Variants in FRYL observed in about 807,000 individuals in gnomAD.
The protein encoded by FRYL is protein furry homolog-like.
FRYL carries 150 observed loss-of-function variants against 351.2 expected under a neutral mutation model. The ratio of observed to expected loss-of-function variants is 0.43; its 90% CI spans 0.37 to 0.49. The LOEUF (loss-of-function observed/expected upper bound fraction) is 0.49. FRYL is among the 20% of genes least tolerant of loss of function. The probability of loss-of-function intolerance (pLI) is 0.00; values close to 1 mark genes in which losing one functional copy is unlikely to be tolerated. For synonymous variants in FRYL, 1,153 were observed against 1,257.1 expected (o/e 0.92, Z 1.75); for missense variants, 3,036 against 3,619.3 (o/e 0.84, Z 4.13).
At chr4:48,552,244 G>GGT (rs67155390) in intron 36 of FRYL, among the ~76,000 whole-genome samples, 31,189 of 145,100 alleles carry the variant, frequency 0.21, 3,321 homozygotes, top group Admixed American at 0.28. Flanking sequence ...AGTCCAAAGG[G>GGT]GTGTGTGTGT....
intron 57 of FRYL, among the ~76,000 whole-genome samples, chr4:48,512,204 C>G (rs1722625641): frequency 6.6e-6 from 1 of 152,078 alleles, no homozygotes; most frequent in Admixed American, 6.6e-5. Context: ...CTTTGGTATC[C>G]TGATGGTGCC....
chr4:48,547,524 C>T (rs777081823), intron 41 of FRYL, 60 bp downstream of exon 41: 11 of 960,002 alleles, frequency 1.1e-5, no homozygotes, highest in Non-Finnish European at 1.6e-5. Flanking sequence ...TTCTCTAATG[C>T]AGGATTCCAA....
chr4:48,657,571 T>C (rs895321564), intron 3 of FRYL, among the ~76,000 whole-genome samples: 16 of 152,282 alleles, frequency 1.1e-4, no homozygotes, highest in African/African-American at 3.4e-4. Context: ...TCGATTGTAT[T>C]CTTTTTATAA....
In FRYL at chr4:48,567,764, T is replaced by C. The variant is rs1237377643; in HGVS notation, c.2997-344A>G. 1.3e-5 allele frequency among the ~76,000 whole-genome samples: 2 copies of C among 152,200 alleles called. No individual in the cohort carries two copies. Among genetic ancestry groups the C allele is most frequent in the Non-Finnish European group, 2.9e-5 (2 of 68,024 alleles). ...AATGGGGAGGATCAGTTTAGAAAAG[T>C]AGAAAGAGGAAAGACTAGTTCTATT... On this transcript the variant is annotated intron_variant, in intron 27 of 63. Transcript: ENST00000358350. The surrounding 1 kb of genome is among the most constrained non-coding windows in gnomAD (Gnocchi z 4.2).
At chr4:48,741,015 C>T (rs187294149) in intron 1 of FRYL, among the ~76,000 whole-genome samples, 2 of 150,836 alleles carry the variant, frequency 1.3e-5, no homozygotes, top group East Asian at 1.9e-4. Context: ...ATTGTTCTGT[C>T]GGTGAATAGA....
chr4:48,548,436 T>C (rs749107477), intron 40 of FRYL, among the ~76,000 whole-genome samples: 1 of 152,066 alleles, frequency 6.6e-6, no homozygotes, highest in Non-Finnish European at 1.5e-5. Flanking sequence ...GTATAGTATA[T>C]GTGTGTTTGT....
At chr4:48,702,272 A>G (rs1326801102) in intron 2 of FRYL, among the ~76,000 whole-genome samples, 2 of 150,528 alleles carry the variant, frequency 1.3e-5, no homozygotes, top group Admixed American at 6.6e-5. Context: ...CCTGGCCAAC[A>G]TGGTGAAACC....
At chr4:48,779,720 G>A (rs1245580793) in intron 1 of FRYL, among the ~76,000 whole-genome samples, 2 of 151,852 alleles carry the variant, frequency 1.3e-5, no homozygotes, top group Non-Finnish European at 2.9e-5. Flanking sequence ...AAGGCGGCGC[G>A]CGAGGGGTAC....
chr4:48,611,258 CATAA>C (rs1322312944), intron 7 of FRYL, among the ~76,000 whole-genome samples: 13 of 152,042 alleles, frequency 8.6e-5, no homozygotes, highest in African/African-American at 1.9e-4. Flanking sequence ...GTAAATGTTA[CATAA>C]ATAGTTGTTA....
chr4:48,565,929 GA>G (rs982309768), intron 28 of FRYL, among the ~76,000 whole-genome samples: 17 of 152,198 alleles, frequency 1.1e-4, no homozygotes, highest in African/African-American at 4.1e-4. Flanking sequence ...TCTGCAAGCA[GA>G]AATTCCATGG....
chr4:48,638,957 G>A (rs934652122), intron 3 of FRYL, among the ~76,000 whole-genome samples: 1 of 152,066 alleles, frequency 6.6e-6, no homozygotes, highest in Admixed American at 6.6e-5. Context: ...GGCCTGTTGT[G>A]GGGTGGGAGG....
In FRYL at chr4:48,515,018, G is replaced by A. The variant is rs1285555837; in HGVS notation, c.7937+10C>T. ...CCCTCACTACAGTGTTTATGATACTGTATTCTCACCTAGACAGTCCGGAGA... is the reference window on the plus strand; with the variant it reads ...CCCTCACTACAGTGTTTATGATACTATATTCTCACCTAGACAGTCCGGAGA... On this transcript the variant is annotated intron_variant, in intron 56 of 63. Transcript: ENST00000358350. The A allele has an allele frequency of 6.2e-7, 1 of 1,610,362 alleles. No homozygotes were observed. Among genetic ancestry groups the A allele is most frequent in the South Asian group, 1.1e-5 (1 of 90,784 alleles).
At chr4:48,603,903 AG>A (rs1435568083) in intron 11 of FRYL, among the ~76,000 whole-genome samples, 17 of 152,304 alleles carry the variant, frequency 1.1e-4, no homozygotes, top group African/African-American at 3.6e-4. Flanking sequence ...CCACAGACAC[AG>A]GAAGTCTTAC....
Position 48,535,722 on chromosome 4 carries a change from C to T in FRYL, c.6499G>A (p.Val2167Met), listed in dbSNP as rs752054203. The change falls in exon 48 of 64, where the codon GTG becomes ATG. Residue 2167 changes from valine (V) to methionine (M), a missense_variant. Val to Met is a conservative substitution (Grantham distance 21). Coordinates refer to ENST00000358350, the MANE Select transcript of FRYL (RefSeq NM_015030.2). ...AAGGAGTCATGCAGGTATCTGCACA[C>T]GACATTGATCCAGTTAGAACAGTCT... Reference protein sequence around the residue: ...SRDCSNWINVVCRYLHDSFSD... With the variant: ...SRDCSNWINVMCRYLHDSFSD... The T allele has an allele frequency of 1.4e-5, 23 of 1,609,768 alleles. No individual in the cohort carries two copies. The highest frequency in any genetic ancestry group is 4.5e-5 in the East Asian group (2 of 44,698).
intron 3 of FRYL, among the ~76,000 whole-genome samples, chr4:48,639,843 G>A (rs562820236): frequency 1.3e-5 from 2 of 152,118 alleles, no homozygotes; most frequent in Admixed American, 6.5e-5. Context: ...AGTAAAAAAT[G>A]AGCACCAGAT....
chr4:48,581,356 A>G (rs926827703), intron 21 of FRYL, 64 bp downstream of exon 21: 2 of 1,429,392 alleles, frequency 1.4e-6, no homozygotes, highest in African/African-American at 2.8e-5. Flanking sequence ...TGGGATAAGG[A>G]TGGACAAAGA....
At chr4:48,651,257 T>A (rs1757601919) in intron 3 of FRYL, among the ~76,000 whole-genome samples, 1 of 108,704 alleles carries the variant, frequency 9.2e-6, no homozygotes, top group Admixed American at 8.9e-5. Flanking sequence ...TGTGTGTGTG[T>A]GTAGTGGTAG....
In FRYL at chr4:48,499,249, A is replaced by G; in HGVS notation, c.*173T>C. 1 of 596,254 alleles carries G rather than the reference A, an allele frequency of 1.7e-6. No homozygotes were observed. Among genetic ancestry groups the G allele is most frequent in the Non-Finnish European group, 2.9e-6 (1 of 339,498 alleles). 36.9% of individuals were successfully genotyped at this position (596,254 alleles called of 1,614,324 possible). On this transcript the variant is annotated 3_prime_UTR_variant, in exon 64 of 64. Transcript: ENST00000358350. The stretch of plus-strand genomic sequence containing the variant: ...AGATATTGGCAGCTGTTAAAATATC[A>G]GATGTTTTTTTCTTTCAGATCTTTG...
intron 1 of FRYL, among the ~76,000 whole-genome samples, chr4:48,773,010 G>A (rs745405985): frequency 2.0e-5 from 3 of 152,182 alleles, no homozygotes; most frequent in Non-Finnish European, 4.4e-5. Flanking sequence ...CAGCATCAAA[G>A]TGTCTTACAT....
Sources: gnomAD v4.1 joint callset for allele counts (sites outside exome capture counted in the v4.1 genomes callset) on GRCh38, gnomAD v4.1.1 for gene constraint, Gnocchi (gnomAD v3.1) non-coding constraint, MANE v1.5 for transcripts, NCBI Gene and HGNC (gene_info 2026-07-23, HGNC 2026-07-21) for gene names.